Variants in SPATA6 observed in about 807,000 individuals in gnomAD.
SPATA6 encodes the protein spermatogenesis-associated protein 6.
A neutral mutation model predicts 65.3 loss-of-function variants in SPATA6; 56 were observed. That is an observed-to-expected ratio of 0.86 (90% confidence interval 0.69 to 1.07). SPATA6 has a LOEUF of 1.07. SPATA6 is among the 50% of genes least tolerant of loss of function. The pLI is 0.00. For synonymous variants in SPATA6, 199 were observed against 213.2 expected (o/e 0.93, Z 0.58); for missense variants, 590 against 594.8 (o/e 0.99, Z 0.08).
chr1:48,369,403 C>A lies in SPATA6; in HGVS notation c.910-9633G>T, dbSNP rs535331325. On this transcript the variant is annotated intron_variant, in intron 9 of 12. Transcript: ENST00000371847. Reference sequence around the variant, plus strand: ...GGTGGAGCCTACAGAGGCAGGCAGGCCTCCTTGAGCTGTGGTGGGCTCCAC... The same window carrying A: ...GGTGGAGCCTACAGAGGCAGGCAGGACTCCTTGAGCTGTGGTGGGCTCCAC... Among the ~76,000 whole-genome samples the A allele has an allele frequency of 1.9e-3, 294 of 152,320 alleles. 1 individual carries two copies. The highest frequency in any genetic ancestry group is 6.8e-3 in the African/African-American group (284 of 41,568).
chr1:48,403,681 T>C, intron 6 of SPATA6, 121 bp downstream of exon 6: 1 of 687,284 alleles, frequency 1.5e-6, no homozygotes, highest in South Asian at 2.3e-5. Flanking sequence ...TCACTTCAAC[T>C]AAAAATTGAC....
intron 1 of SPATA6, among the ~76,000 whole-genome samples, chr1:48,456,442 A>C (rs1247744003): frequency 6.6e-6 from 1 of 152,244 alleles, no homozygotes; most frequent in Non-Finnish European, 1.5e-5. Context: ...TAAAAAGTCT[A>C]ATTTTCAACA....
chr1:48,467,262 C>T (rs1657879908), intron 1 of SPATA6, among the ~76,000 whole-genome samples: 1 of 151,990 alleles, frequency 6.6e-6, no homozygotes. Context: ...TAAAGTATTA[C>T]ACAGATGAGA....
intron 8 of SPATA6, among the ~76,000 whole-genome samples, chr1:48,393,523 G>A (rs776554396): frequency 6.6e-6 from 1 of 152,046 alleles, no homozygotes; most frequent in African/African-American, 2.4e-5. Flanking sequence ...GATATTATTA[G>A]GACAACTGGC....
At chr1:48,434,259 G>GGA (rs760709392) in intron 3 of SPATA6, among the ~76,000 whole-genome samples, 1 of 109,896 alleles carries the variant, frequency 9.1e-6, no homozygotes, top group Non-Finnish European at 1.8e-5. Context: ...AGCAGTGAAA[G>GGA]AAAAAAAAAA....
At chr1:48,435,953 A>G (rs1654898573) in intron 3 of SPATA6, 26 of 1,588,934 alleles carry the variant, frequency 1.6e-5, no homozygotes, top group Non-Finnish European at 2.0e-5. Flanking sequence ...TTCTGTGTGA[A>G]CTAAAGTGAT....
At chr1:48,277,037 T>C in the SPATA6 span, among the ~76,000 whole-genome samples, 3,736 of 151,838 alleles carry the variant, frequency 0.025, 99 homozygotes, top group African/African-American at 0.067. Context: ...ATATTTAAGA[T>C]AGTTAACTCT....
the SPATA6 span, among the ~76,000 whole-genome samples, chr1:48,287,677 T>A: frequency 2.6e-5 from 4 of 152,214 alleles, no homozygotes; most frequent in African/African-American, 9.6e-5. Context: ...TCTGCCATGA[T>A]TATGAGCTCC....
At chr1:48,400,959 G>T in intron 6 of SPATA6, 1 of 432,056 alleles carries the variant, frequency 2.3e-6, no homozygotes, top group African/African-American at 2.2e-5. Flanking sequence ...TGATCTTTGA[G>T]TTTACTAAAA....
chr1:48,470,841 C>G (rs571868078), intron 1 of SPATA6, among the ~76,000 whole-genome samples: 1 of 152,086 alleles, frequency 6.6e-6, no homozygotes, highest in African/African-American at 2.4e-5. Context: ...GCACTCTCAA[C>G]CCCCAAGTTT....
intron 3 of SPATA6, among the ~76,000 whole-genome samples, chr1:48,434,612 G>A (rs1277963693): frequency 6.6e-6 from 1 of 152,152 alleles, no homozygotes; most frequent in Non-Finnish European, 1.5e-5. Context: ...GAGAGAGCAA[G>A]CCATATACAC....
intron 1 of SPATA6, among the ~76,000 whole-genome samples, chr1:48,466,994 A>G (rs974920211): frequency 3.3e-5 from 5 of 152,166 alleles, no homozygotes; most frequent in Admixed American, 6.5e-5. Context: ...AGGTAAAGAG[A>G]TAAAGCAGCA....
intron 1 of SPATA6, among the ~76,000 whole-genome samples, chr1:48,460,478 G>A (rs189203291): frequency 1.1e-4 from 16 of 152,132 alleles, no homozygotes; most frequent in Non-Finnish European, 1.9e-4. Context: ...CTGAAAGACC[G>A]AATAATTGCC....
At chr1:48,273,476 A>G in the SPATA6 span, among the ~76,000 whole-genome samples, 2 of 152,070 alleles carry the variant, frequency 1.3e-5, no homozygotes, top group African/African-American at 4.8e-5. Flanking sequence ...ATTTCTTCTA[A>G]TGCTATCCCT....
chr1:48,286,744 A>G, the SPATA6 span, among the ~76,000 whole-genome samples: 1 of 152,130 alleles, frequency 6.6e-6, no homozygotes, highest in Non-Finnish European at 1.5e-5. Flanking sequence ...ATTTTAAAAA[A>G]TGAGGGTTTG....
chr1:48,428,777 G>A (rs926423454), intron 3 of SPATA6, among the ~76,000 whole-genome samples: 29 of 66,104 alleles, frequency 4.4e-4, no homozygotes, highest in African/African-American at 1.6e-3. Flanking sequence ...GTGTATATAT[G>A]TGTGTGTGTG....
chr1:48,369,501 T>G (rs1001491228), intron 9 of SPATA6, among the ~76,000 whole-genome samples: 1 of 152,238 alleles, frequency 6.6e-6, no homozygotes, highest in Non-Finnish European at 1.5e-5. Flanking sequence ...TCCCCCAGCC[T>G]GGCTGCCGCC....
chr1:48,321,944 T>TA (rs1645610384), intron 11 of SPATA6, among the ~76,000 whole-genome samples: 1 of 152,088 alleles, frequency 6.6e-6, no homozygotes, highest in Non-Finnish European at 1.5e-5. Context: ...AAGAAAATTT[T>TA]AAAATTTCTT....
chr1:48,416,800 A>G (rs1652828176), intron 3 of SPATA6, among the ~76,000 whole-genome samples: 1 of 152,210 alleles, frequency 6.6e-6, no homozygotes, highest in African/African-American at 2.4e-5. Flanking sequence ...ATCAACTAAT[A>G]TACAAATATG....
Sources: gnomAD v4.1 joint callset for allele counts (sites outside exome capture counted in the v4.1 genomes callset) on GRCh38, gnomAD v4.1.1 for gene constraint, MANE v1.5 for transcripts, NCBI Gene and HGNC (gene_info 2026-07-23, HGNC 2026-07-21) for gene names.